Variants in EVA1C observed in about 807,000 individuals in gnomAD.
EVA1C encodes protein eva-1 homolog C.
EVA1C carries 25 observed loss-of-function variants against 45.4 expected under a neutral mutation model. The observed-to-expected ratio is 0.55, with a 90% CI of 0.40 to 0.77. EVA1C has a LOEUF of 0.77. Among genes scored for constraint, EVA1C ranks in the 30% least tolerant of loss-of-function variants. The probability of loss-of-function intolerance (pLI) is 0.00; values close to 1 mark genes in which losing one functional copy is unlikely to be tolerated. For synonymous variants in EVA1C, 190 were observed against 221.2 expected (o/e 0.86, Z 1.25); for missense variants, 479 against 554.8 (o/e 0.86, Z 1.37).
intron 3 of EVA1C, among the ~76,000 whole-genome samples, chr21:32,462,240 A>C (rs1321016204): frequency 6.6e-6 from 1 of 150,992 alleles, no homozygotes; most frequent in Non-Finnish European, 1.5e-5. Flanking sequence ...AAAAAAAAAA[A>C]ACAATTAGCA....
chr21:32,494,597 A>G (rs1384450488), intron 4 of EVA1C, among the ~76,000 whole-genome samples: 1 of 152,164 alleles, frequency 6.6e-6, no homozygotes, highest in Non-Finnish European at 1.5e-5. Flanking sequence ...AGCCTTGCCA[A>G]CATGGTGAAA....
At chr21:32,483,929 C>T (rs1020470930) in intron 4 of EVA1C, among the ~76,000 whole-genome samples, 1 of 151,164 alleles carries the variant, frequency 6.6e-6, no homozygotes, top group African/African-American at 2.4e-5. Flanking sequence ...ATATTCAAAT[C>T]AAGTGCTTTT....
chr21:32,500,727 G>T (rs1376474912), intron 5 of EVA1C, among the ~76,000 whole-genome samples: 2 of 150,838 alleles, frequency 1.3e-5, no homozygotes, highest in Non-Finnish European at 2.9e-5. Context: ...GGATGGTTTT[G>T]TGTGTGTGTG....
At chr21:32,507,918 T>C (rs993700827) in intron 7 of EVA1C, among the ~76,000 whole-genome samples, 2 of 148,120 alleles carry the variant, frequency 1.4e-5, no homozygotes, top group Non-Finnish European at 3.0e-5. Context: ...TGTGTGTGCG[T>C]GTGTGCCTGT....
At chr21:32,480,302 T>TAAAAAAAAAAAAAAAAA (rs56902183) in intron 4 of EVA1C, among the ~76,000 whole-genome samples, 6 of 105,180 alleles carry the variant, frequency 5.7e-5, no homozygotes, top group South Asian at 3.3e-4. Flanking sequence ...CCCTGTCTCT[T>TAAAAAAAAAAAAAAAAA]AAAAAAAAAA....
At chr21:32,467,630 G>C in intron 3 of EVA1C, 66 bp from the exon 4 acceptor site, 1 of 1,511,456 alleles carries the variant, frequency 6.6e-7, no homozygotes, top group Non-Finnish European at 8.9e-7. Flanking sequence ...AATGGGACTT[G>C]GACAGAGCTC....
chr21:32,426,689 G>A (rs372658584), intron 1 of EVA1C, among the ~76,000 whole-genome samples: 2 of 152,062 alleles, frequency 1.3e-5, no homozygotes, highest in South Asian at 2.1e-4. Flanking sequence ...AGGAGGAGTC[G>A]ACGGACTCCT....
At chr21:32,482,924 A>C (rs2036840421) in intron 4 of EVA1C, among the ~76,000 whole-genome samples, 1 of 151,622 alleles carries the variant, frequency 6.6e-6, no homozygotes, top group Admixed American at 6.6e-5. Flanking sequence ...TGGCACGATC[A>C]TAGCTCACTG....
intron 4 of EVA1C, among the ~76,000 whole-genome samples, chr21:32,475,206 C>G (rs560536408): frequency 1.2e-3 from 183 of 152,284 alleles, no homozygotes; most frequent in African/African-American, 3.3e-3. Context: ...CTGGATACCC[C>G]CTTGGAACAC....
chr21:32,447,090 A>T (rs2035391075), intron 1 of EVA1C, among the ~76,000 whole-genome samples: 2 of 152,108 alleles, frequency 1.3e-5, no homozygotes, highest in Non-Finnish European at 2.9e-5. Context: ...TCGGACCATA[A>T]CCCATGGTAA....
intron 3 of EVA1C, 68 bp downstream of exon 3, chr21:32,457,788 A>G: frequency 6.3e-7 from 1 of 1,584,586 alleles, no homozygotes; most frequent in South Asian, 1.1e-5. Context: ...CTCCTGGTCA[A>G]AATTCTCTGC....
rs995885870 is a variant in EVA1C at position 32,453,407 on chromosome 21, C to A, written c.256C>A (p.Gln86Lys). 2.1e-5 allele frequency: 34 copies of A among 1,611,252 alleles called. No homozygotes were observed. The highest frequency in any genetic ancestry group is 2.9e-5 in the Non-Finnish European group (34 of 1,179,344). The change falls in exon 2 of 8, where the codon CAA becomes AAA. Residue 86 changes from glutamine (Q) to lysine (K), a missense_variant. Coordinates refer to ENST00000300255, the MANE Select transcript of EVA1C (RefSeq NM_058187.5). ...CCCTCGGCATTCTACGATAAGTGTC[C>A]AATCGGCATTTTATGGGCAAGATTA... ...QCPRHSTISVQSAFYGQDYQM... is the reference protein window; with the variant it reads ...QCPRHSTISVKSAFYGQDYQM...
rs1555875243 is a variant in EVA1C, at chr21:32,502,040, C to CTTTCTTTCT, written c.859+548_859+556dup. 2.2e-3 allele frequency among the ~76,000 whole-genome samples: 221 copies of CTTTCTTTCT among 101,640 alleles called. 3 individuals are homozygous for CTTTCTTTCT. The highest frequency in any genetic ancestry group is 8.2e-3 in the African/African-American group (213 of 25,890). The allele number at this position is 101,640 out of a possible 152,430, so 66.7% of individuals were successfully genotyped here. A position where few individuals can be genotyped will look rare whatever the true frequency, so the allele number is the denominator to read the frequency against. The stretch of plus-strand genomic sequence containing the variant: ...TCTTTCTTTCTTTCTTTCTTTCTTT[C>CTTTCTTTCT]TTTCTTTCTTTCTTCTTTCTTTCTT... On this transcript the variant is annotated intron_variant, in intron 6 of 7. Coordinates refer to ENST00000300255, the MANE Select transcript of EVA1C (RefSeq NM_058187.5).
intron 7 of EVA1C, among the ~76,000 whole-genome samples, chr21:32,514,289 A>G (rs1050206580): frequency 2.6e-5 from 4 of 152,248 alleles, no homozygotes; most frequent in African/African-American, 4.8e-5. Context: ...ATTATTACTT[A>G]GGTTCACATA....
rs1399974824 is a variant in EVA1C at position 32,474,580 on chromosome 21, G to A, written c.634+6732G>A. On this transcript the variant is annotated intron_variant, in intron 4 of 7. Coordinates refer to ENST00000300255, the MANE Select transcript of EVA1C (RefSeq NM_058187.5). This position sits in a 1 kb window ranked among gnomAD's most constrained non-coding sequence, Gnocchi z 4.4. The stretch of plus-strand genomic sequence containing the variant: ...ACAGCATGGAGATAGACCATGGTAT[G>A]TGTGTGTGGTTCATCTCCCCAGGAG... Among the ~76,000 whole-genome samples, 2 of 152,216 alleles carry A rather than the reference G, an allele frequency of 1.3e-5. No individual in the cohort carries two copies.
chr21:32,487,586 T>G (rs1301985710), intron 4 of EVA1C, among the ~76,000 whole-genome samples: 1 of 152,034 alleles, frequency 6.6e-6, no homozygotes, highest in Non-Finnish European at 1.5e-5. Flanking sequence ...CTGGGCATGG[T>G]GGCAGGCGCC....
chr21:32,493,961 G>A (rs915674053), intron 4 of EVA1C, among the ~76,000 whole-genome samples: 4 of 151,872 alleles, frequency 2.6e-5, no homozygotes, highest in African/African-American at 9.7e-5. Context: ...CACCACACCC[G>A]GCTAATTTTT....
At chr21:32,467,148 G>C (rs1461340968) in intron 3 of EVA1C, among the ~76,000 whole-genome samples, 2 of 152,102 alleles carry the variant, frequency 1.3e-5, no homozygotes, top group Admixed American at 6.6e-5. Context: ...GTGAAACCCT[G>C]TCTCTAAAGA....
intron 1 of EVA1C, among the ~76,000 whole-genome samples, chr21:32,436,679 G>C (rs894325805): frequency 6.6e-6 from 1 of 152,282 alleles, no homozygotes; most frequent in African/African-American, 2.4e-5. Context: ...CTCCGTTGTG[G>C]ACATAGTAGG....
Sources: gnomAD v4.1 joint callset for allele counts (sites outside exome capture counted in the v4.1 genomes callset) on GRCh38, gnomAD v4.1.1 for gene constraint, Gnocchi (gnomAD v3.1) non-coding constraint, MANE v1.5 for transcripts, NCBI Gene and HGNC (gene_info 2026-07-23, HGNC 2026-07-21) for gene names.